The following BUB1B variants were observed in gnomAD, a reference collection of about 807,000 sequenced individuals.
BUB1B encodes the protein BUB1 mitotic checkpoint serine/threonine kinase B, also known as mitotic checkpoint serine/threonine-protein kinase BUB1 beta.
Under a neutral mutation model 137.7 loss-of-function variants are expected in BUB1B, and 86 were observed. The ratio of observed to expected loss-of-function variants is 0.62; its 90% CI spans 0.52 to 0.75. The LOEUF (loss-of-function observed/expected upper bound fraction) is 0.75. BUB1B is among the 30% of genes least tolerant of loss of function. BUB1B has a pLI of 0.00. For synonymous variants in BUB1B, 420 were observed against 417.9 expected (o/e 1.00, Z -0.06); for missense variants, 1,130 against 1,236.9 (o/e 0.91, Z 1.30).
rs1364245208 is a variant in BUB1B, at chr15:40,185,213, A to C, written c.800A>C (p.Gln267Pro). Residue 267 changes from glutamine to proline, a missense_variant, in exon 7 of 23, where the codon CAA (glutamine) becomes CCA (proline). Gln to Pro is a moderately conservative substitution (Grantham distance 76). Coordinates refer to ENST00000287598, the MANE Select transcript of BUB1B (RefSeq NM_001211.6). Reference sequence around the variant, plus strand: ...CAAAATCCATTTCCTCAACAGATGCAAAATAATAGTAGAATTACTGTTTTT... The same window carrying C: ...CAAAATCCATTTCCTCAACAGATGCCAAATAATAGTAGAATTACTGTTTTT... Reference protein sequence around the residue: ...GLQNPFPQQMQNNSRITVFDE... With the variant: ...GLQNPFPQQMPNNSRITVFDE... 6.2e-7 allele frequency: 1 copy of C among 1,614,200 alleles called. No homozygotes were observed. Among genetic ancestry groups the C allele is most frequent in the Non-Finnish European group, 8.5e-7 (1 of 1,180,034 alleles).
chr15:40,221,088 A>G lies in BUB1B; in HGVS notation c.*329A>G. The G allele has an allele frequency of 2.8e-6, 1 of 358,538 alleles. No homozygotes were observed. The highest frequency in any genetic ancestry group is 5.2e-6 in the Non-Finnish European group (1 of 194,000). 22.2% of individuals were successfully genotyped at this position (358,538 alleles called of 1,614,324 possible). ...TGTAAAATGTTCTCTTATGATCACCATGTATTTTGTAAATAATAAAATAGT... is the reference window on the plus strand; with the variant it reads ...TGTAAAATGTTCTCTTATGATCACCGTGTATTTTGTAAATAATAAAATAGT... On this transcript the variant is annotated 3_prime_UTR_variant, in exon 23 of 23. Transcript: ENST00000287598.
At chr15:40,162,814 A>G (rs1371768118) in intron 1 of BUB1B, among the ~76,000 whole-genome samples, 1 of 152,136 alleles carries the variant, frequency 6.6e-6, no homozygotes, top group Admixed American at 6.5e-5. Flanking sequence ...GCAAGAGAAG[A>G]AAGTTCAGAT....
intron 9 of BUB1B, among the ~76,000 whole-genome samples, 178 bp downstream of exon 9, chr15:40,196,952 C>G (rs1367254488): frequency 6.6e-6 from 1 of 152,156 alleles, no homozygotes; most frequent in African/African-American, 2.4e-5. Context: ...TATGGTTGTA[C>G]TGTTTCTGTG....
chr15:40,217,083 A>G (rs1288319283), intron 20 of BUB1B, among the ~76,000 whole-genome samples: 1 of 152,248 alleles, frequency 6.6e-6, no homozygotes, highest in African/African-American at 2.4e-5. Context: ...CCTATCTGGA[A>G]TAGTAAACAA....
At chr15:40,164,682 AGAAAG>A (rs2037074784) in intron 1 of BUB1B, among the ~76,000 whole-genome samples, 1 of 141,436 alleles carries the variant, frequency 7.1e-6, no homozygotes. Flanking sequence ...TTTTTTTTAA[AGAAAG>A]AGGCAGGGTC....
chr15:40,185,311 A>G lies in BUB1B; in HGVS notation c.898A>G (p.Met300Val), dbSNP rs1251095688. The change falls in exon 7 of 23, where the codon ATG (methionine) becomes GTG (valine). Residue 300 changes from methionine to valine, a missense_variant. By Grantham distance (21) the Met-to-Val change is conservative. Transcript: ENST00000287598. Reference protein sequence around the residue: ...PTVQPWIAPPMPRAKENELQA... With the variant: ...PTVQPWIAPPVPRAKENELQA... ...AGTCCAGCCATGGATAGCACCCCCC[A>G]TGCCCAGGGCCAAAGAGAATGAGCT... 2 of 1,614,064 alleles carry G rather than the reference A, an allele frequency of 1.2e-6. No individual in the cohort carries two copies. Among genetic ancestry groups the G allele is most frequent in the African/African-American group, 2.7e-5 (2 of 74,916 alleles).
chr15:40,216,040 A>G (rs766046496), intron 20 of BUB1B, among the ~76,000 whole-genome samples: 1 of 152,250 alleles, frequency 6.6e-6, no homozygotes, highest in Non-Finnish European at 1.5e-5. Flanking sequence ...TACCCAAAGT[A>G]ACAGTGAGTG....
At chr15:40,182,838 A>G (rs575813947) in intron 5 of BUB1B, among the ~76,000 whole-genome samples, 2 of 152,304 alleles carry the variant, frequency 1.3e-5, no homozygotes, top group Admixed American at 6.5e-5. Context: ...TCAAAACCAC[A>G]AGAGAAAATA....
chr15:40,183,804 A>G lies in BUB1B; in HGVS notation c.672A>G (p.Arg224=). Residue 224 remains arginine, a synonymous_variant, in exon 6 of 23, where the codon CGA becomes CGG. Coordinates refer to ENST00000287598, the MANE Select transcript of BUB1B (RefSeq NM_001211.6). The stretch of plus-strand genomic sequence containing the variant: ...TTTTTGAGTCTTCTGTACCACAACG[A>G]AGCACACTAGCTGAACTAAAGAGCA... ...EEVFESSVPQ[R]STLAELKSKG... 1.2e-6 allele frequency: 2 copies of G among 1,614,154 alleles called. No individual in the cohort carries two copies. The highest frequency in any genetic ancestry group is 1.7e-6 in the Non-Finnish European group (2 of 1,179,994).
chr15:40,175,434 AAGC>A (rs943900324), intron 4 of BUB1B, among the ~76,000 whole-genome samples: 2 of 152,210 alleles, frequency 1.3e-5, no homozygotes, highest in African/African-American at 4.8e-5. Flanking sequence ...GGTTAAGTGT[AAGC>A]AGCAGCGTGG....
At chr15:40,187,212 A>G (rs1027482937) in intron 8 of BUB1B, among the ~76,000 whole-genome samples, 4 of 150,476 alleles carry the variant, frequency 2.7e-5, no homozygotes, top group East Asian at 2.0e-4. Flanking sequence ...TGCAAGCTCT[A>G]CCTCCCAGGT....
chr15:40,216,617 A>G (rs2037795826), intron 20 of BUB1B, among the ~76,000 whole-genome samples: 1 of 146,284 alleles, frequency 6.8e-6, no homozygotes, highest in Admixed American at 6.9e-5. Flanking sequence ...GTGGCCAAAA[A>G]AGGTTGGCTC....
chr15:40,167,361 T>TTG (rs1248807198), intron 2 of BUB1B, among the ~76,000 whole-genome samples: 3 of 142,870 alleles, frequency 2.1e-5, no homozygotes, highest in African/African-American at 7.8e-5. Flanking sequence ...TTTTTTTTTT[T>TTG]TTTTTTGAGA....
At chr15:40,176,796 ATT>A in intron 5 of BUB1B, 123 bp downstream of exon 5, 1 of 1,026,902 alleles carries the variant, frequency 9.7e-7, no homozygotes, top group Non-Finnish European at 1.4e-6. Context: ...TTACTATTCA[ATT>A]TTTTTAAAGA....
intron 8 of BUB1B, 122 bp from the exon 9 acceptor site, chr15:40,196,423 C>T: frequency 1.2e-6 from 1 of 868,584 alleles, no homozygotes; most frequent in Non-Finnish European, 1.8e-6. Context: ...TAATGTAAGG[C>T]CTCCAGATTT....
intron 18 of BUB1B, among the ~76,000 whole-genome samples, chr15:40,211,607 C>A (rs2140907185): frequency 6.6e-6 from 1 of 152,144 alleles, no homozygotes; most frequent in East Asian, 1.9e-4. Context: ...TGCATCTTAA[C>A]TGCTGCATAT....
intron 8 of BUB1B, among the ~76,000 whole-genome samples, chr15:40,188,582 CTTTTTTT>C (rs773801578): frequency 8.2e-6 from 1 of 121,730 alleles, no homozygotes; most frequent in African/African-American, 3.1e-5. Context: ...TTTAAGTTTT[CTTTTTTT>C]TTTTTTTTTT....
chr15:40,209,603 GATATATT>G (rs1566827501), intron 16 of BUB1B, 25 bp from the exon 17 acceptor site: 1 of 1,613,486 alleles, frequency 6.2e-7, no homozygotes, highest in Non-Finnish European at 8.5e-7. Context: ...TTTTTTTGGT[GATATATT>G]TTCACCTTTC....
chr15:40,192,977 A>G (rs950398936), intron 8 of BUB1B, among the ~76,000 whole-genome samples: 2 of 151,602 alleles, frequency 1.3e-5, no homozygotes, highest in African/African-American at 4.8e-5. Context: ...CATCCTCCCT[A>G]GTAGCTGGGA....
Sources: gnomAD v4.1 joint callset for allele counts (sites outside exome capture counted in the v4.1 genomes callset) on GRCh38, gnomAD v4.1.1 for gene constraint, MANE v1.5 for transcripts, NCBI Gene and HGNC (gene_info 2026-07-23, HGNC 2026-07-21) for gene names.